The following CMTM8 variants were observed in gnomAD, a reference collection of about 807,000 sequenced individuals.
The protein encoded by CMTM8 is CKLF-like MARVEL transmembrane domain-containing protein 8.
In CMTM8, 12 loss-of-function variants were observed where a neutral mutation model predicts 18.6. The ratio of observed to expected loss-of-function variants is 0.65; its 90% CI spans 0.41 to 1.05. The LOEUF (loss-of-function observed/expected upper bound fraction) is 1.05, where lower values mean the gene tolerates loss of function less well. CMTM8 is among the 50% of genes least tolerant of loss of function. The probability of loss-of-function intolerance (pLI) is 0.00; values close to 1 mark genes in which losing one functional copy is unlikely to be tolerated. For missense variants in CMTM8, 217 were observed against 227.2 expected (o/e 0.95, Z 0.29); for synonymous variants, 87 against 90.6 (o/e 0.96, Z 0.23).
At chr3:32,283,937 A>G (rs987792187) in intron 1 of CMTM8, among the ~76,000 whole-genome samples, 1 of 152,242 alleles carries the variant, frequency 6.6e-6, no homozygotes, top group Non-Finnish European at 1.5e-5. Flanking sequence ...CTTTATGAGT[A>G]TACATAAACC....
At chr3:32,365,411 CCTT>C (rs1242656500) in intron 2 of CMTM8, among the ~76,000 whole-genome samples, 1 of 151,180 alleles carries the variant, frequency 6.6e-6, no homozygotes, top group Non-Finnish European at 1.5e-5. Flanking sequence ...AAGTTGGAAA[CCTT>C]CTGTTTTTGT....
At chr3:32,296,138 T>TA (rs966032253) in intron 1 of CMTM8, among the ~76,000 whole-genome samples, 2 of 151,744 alleles carry the variant, frequency 1.3e-5, no homozygotes, top group African/African-American at 4.8e-5. Flanking sequence ...GCCTTTTATT[T>TA]TTTATTTTTT....
chr3:32,296,917 T>C (rs1000841570), intron 1 of CMTM8, among the ~76,000 whole-genome samples: 3 of 151,750 alleles, frequency 2.0e-5, no homozygotes, highest in African/African-American at 7.3e-5. Context: ...CCGTCCACCA[T>C]GACCTCCACA....
At chr3:32,316,794 G>T (rs1404835194) in intron 1 of CMTM8, among the ~76,000 whole-genome samples, 1 of 152,066 alleles carries the variant, frequency 6.6e-6, no homozygotes, top group Non-Finnish European at 1.5e-5. Flanking sequence ...ATTTTTCAGT[G>T]AAGTTTTTAG....
chr3:32,287,864 G>T, intron 1 of CMTM8, among the ~76,000 whole-genome samples: 1 of 152,102 alleles, frequency 6.6e-6, no homozygotes, highest in East Asian at 1.9e-4. Context: ...GGATTATAAG[G>T]AAAACCACTA....
rs867489101 is a variant in CMTM8, at chr3:32,348,001, T to A, written c.148-9372T>A. On this transcript the variant is annotated intron_variant, in intron 1 of 3. Transcript: ENST00000307526. ...ACCTTCACCTCTCTCTGTAGTTCTCTTGTTGGTTTATTCCATGTTGCCTTT... is the reference window on the plus strand; with the variant it reads ...ACCTTCACCTCTCTCTGTAGTTCTCATGTTGGTTTATTCCATGTTGCCTTT... 2.5e-4 allele frequency among the ~76,000 whole-genome samples: 38 copies of A among 152,254 alleles called. 1 individual carries two copies. The Middle Eastern group carries it at 0.017, about 68-fold the overall frequency.
chr3:32,292,988 A>T (rs73824658), intron 1 of CMTM8, among the ~76,000 whole-genome samples: 171 of 152,200 alleles, frequency 1.1e-3, no homozygotes, highest in African/African-American at 3.8e-3. Flanking sequence ...ATATCCTAAT[A>T]GATAGATATA....
rs1233447253 is a variant in CMTM8, at chr3:32,358,020, G to C, written c.321+474G>C. ...AGAATGCAAATGAAAATTGCTATTA[G>C]AAAACATAGGTGTTCTTATATATTT... On this transcript the variant is annotated intron_variant, in intron 2 of 3. Coordinates refer to ENST00000307526, the MANE Select transcript of CMTM8 (RefSeq NM_178868.5). This position sits in a 1 kb window ranked among gnomAD's most constrained non-coding sequence, Gnocchi z 4.1. Among the ~76,000 whole-genome samples the C allele has an allele frequency of 6.6e-6, 1 of 152,196 alleles. No homozygotes were observed. Among genetic ancestry groups the C allele is most frequent in the African/African-American group, 2.4e-5 (1 of 41,450 alleles).
chr3:32,272,452 G>A (rs1702453141), intron 1 of CMTM8, among the ~76,000 whole-genome samples: 2 of 152,184 alleles, frequency 1.3e-5, no homozygotes, highest in South Asian at 2.1e-4. Flanking sequence ...AATTAAATGT[G>A]TGTTAGATCC....
chr3:32,250,421 C>T (rs1332568990), intron 1 of CMTM8, among the ~76,000 whole-genome samples: 1 of 152,146 alleles, frequency 6.6e-6, no homozygotes, highest in Non-Finnish European at 1.5e-5. Context: ...TACCAAAAAC[C>T]TGGCAGCTGG....
At chr3:32,368,456 AT>A (rs10594471) in intron 3 of CMTM8, among the ~76,000 whole-genome samples, 3,444 of 128,098 alleles carry the variant, frequency 0.027, 105 homozygotes, top group African/African-American at 0.075. Flanking sequence ...AGAAACTTCT[AT>A]TTTTTTTTTT....
At chr3:32,336,728 C>T (rs578220698) in intron 1 of CMTM8, among the ~76,000 whole-genome samples, 1 of 152,348 alleles carries the variant, frequency 6.6e-6, no homozygotes, top group African/African-American at 2.4e-5. Context: ...ACTACTCTCT[C>T]ATCCTCTTTC....
At chr3:32,276,044 C>T (rs543615679) in intron 1 of CMTM8, among the ~76,000 whole-genome samples, 8 of 152,236 alleles carry the variant, frequency 5.3e-5, no homozygotes, top group Admixed American at 1.3e-4. Flanking sequence ...CTCTGGTGTC[C>T]GTAAGAAGCT....
intron 1 of CMTM8, among the ~76,000 whole-genome samples, chr3:32,344,301 A>G (rs1696554281): frequency 6.6e-6 from 1 of 152,188 alleles, no homozygotes; most frequent in Admixed American, 6.5e-5. Context: ...AGCCTAGTTA[A>G]TTGTCAAAAG....
Position 32,369,911 on chromosome 3 carries a change from T to C in CMTM8, c.466T>C (p.Tyr156His). ...SFFAFLVTIC[Y>H]AGNTYFSFIA... Reference sequence around the variant, plus strand: ...CTTTGCCTTCCTGGTCACCATCTGCTACGCTGGAAATACATATTTCAGTTT... The same window carrying C: ...CTTTGCCTTCCTGGTCACCATCTGCCACGCTGGAAATACATATTTCAGTTT... The change falls in exon 4 of 4, where the codon TAC becomes CAC. Residue 156 changes from tyrosine to histidine, a missense_variant. Tyr to His is a moderately conservative substitution (Grantham distance 83). Coordinates refer to ENST00000307526, the MANE Select transcript of CMTM8 (RefSeq NM_178868.5). 6.2e-7 allele frequency: 1 copy of C among 1,609,646 alleles called. No individual in the cohort carries two copies. The highest frequency in any genetic ancestry group is 8.5e-7 in the Non-Finnish European group (1 of 1,176,618).
At chr3:32,342,466 C>T (rs76151039) in intron 1 of CMTM8, among the ~76,000 whole-genome samples, 7,254 of 152,286 alleles carry the variant, frequency 0.048, 238 homozygotes, top group Non-Finnish European at 0.071. Context: ...CCTACCAGGC[C>T]AGATGGCCTT....
intron 1 of CMTM8, among the ~76,000 whole-genome samples, chr3:32,326,536 T>G (rs1474359023): frequency 3.0e-3 from 373 of 123,982 alleles, no homozygotes; most frequent in African/African-American, 0.01. Flanking sequence ...TTTTTTTTTT[T>G]GACAGAGTCT....
chr3:32,303,623 C>G (rs1242852095), intron 1 of CMTM8, among the ~76,000 whole-genome samples: 2 of 152,128 alleles, frequency 1.3e-5, no homozygotes, highest in Non-Finnish European at 2.9e-5. Flanking sequence ...AGCTTCCCCC[C>G]TCCCCCTCCC....
chr3:32,295,712 C>T (rs975451422), intron 1 of CMTM8, among the ~76,000 whole-genome samples: 2 of 152,224 alleles, frequency 1.3e-5, no homozygotes, highest in South Asian at 4.1e-4. Flanking sequence ...ATACCCACAT[C>T]TATTAATGTC....
Sources: gnomAD v4.1 joint callset for allele counts (sites outside exome capture counted in the v4.1 genomes callset) on GRCh38, gnomAD v4.1.1 for gene constraint, Gnocchi (gnomAD v3.1) non-coding constraint, MANE v1.5 for transcripts, NCBI Gene and HGNC (gene_info 2026-07-23, HGNC 2026-07-21) for gene names.